Variants in SOBP observed in about 807,000 individuals in gnomAD.
SOBP encodes sine oculis-binding protein homolog.
A neutral mutation model predicts 53.6 loss-of-function variants in SOBP; 4 were observed. The ratio of observed to expected loss-of-function variants is 0.07; its 90% confidence interval spans 0.04 to 0.17. SOBP has a LOEUF of 0.17. Among genes scored for constraint, SOBP ranks in the 10% least tolerant of loss-of-function variants. The pLI, the probability that SOBP is intolerant of heterozygous loss-of-function variation, is 1.00. For missense variants in SOBP, 1,088 were observed against 1,204.7 expected (o/e 0.90, Z 1.43); for synonymous variants, 584 against 522.6 (o/e 1.12, Z -1.60).
chr6:107,583,690 T>TA (rs1470620285), intron 4 of SOBP, among the ~76,000 whole-genome samples: 1 of 152,066 alleles, frequency 6.6e-6, no homozygotes, highest in African/African-American at 2.4e-5. Flanking sequence ...CACACCTGGC[T>TA]AGTTTTTGTT....
At chr6:107,515,700 G>GATTA (rs775253560) in intron 3 of SOBP, among the ~76,000 whole-genome samples, 1 of 152,158 alleles carries the variant, frequency 6.6e-6, no homozygotes. Context: ...AGTGAGCCAA[G>GATTA]ATTACACCAG....
chr6:107,577,774 G>C (rs1785276365), intron 4 of SOBP, among the ~76,000 whole-genome samples: 1 of 152,132 alleles, frequency 6.6e-6, no homozygotes, highest in Non-Finnish European at 1.5e-5. Flanking sequence ...GTAAGAATTA[G>C]ATTAAAGAAG....
In SOBP at chr6:107,635,133, G is replaced by C. The variant is rs1653519439; in HGVS notation, c.2289G>C (p.Pro763=). The change falls in exon 6 of 7, where the codon CCG becomes CCC. Residue 763 remains proline (P), a synonymous_variant. Coordinates refer to ENST00000317357, the MANE Select transcript of SOBP (RefSeq NM_018013.4). This position sits in a 1 kb window ranked among gnomAD's most constrained non-coding sequence, Gnocchi z 4.5. ...PPKKLLSPEE[P]AVSELESVKE... ...AGAAGCTGCTGTCGCCTGAGGAACC[G>C]GCGGTGAGCGAGCTAGAGTCGGTCA... The C allele has an allele frequency of 1.9e-6, 3 of 1,613,008 alleles. No homozygotes were observed. Among genetic ancestry groups the C allele is most frequent in the Non-Finnish European group, 2.5e-6 (3 of 1,179,708 alleles).
intron 3 of SOBP, among the ~76,000 whole-genome samples, chr6:107,528,245 T>A (rs1783721165): frequency 6.6e-6 from 1 of 152,182 alleles, no homozygotes; most frequent in African/African-American, 2.4e-5. Flanking sequence ...GACCTTCTAG[T>A]GGTAGAATTT....
intron 3 of SOBP, among the ~76,000 whole-genome samples, chr6:107,525,387 T>C (rs554695199): frequency 7.2e-5 from 11 of 152,244 alleles, no homozygotes; most frequent in Non-Finnish European, 1.5e-4. Flanking sequence ...CTCAGCATGG[T>C]ATTCAAGACA....
intron 3 of SOBP, among the ~76,000 whole-genome samples, chr6:107,507,107 G>A (rs1034217327): frequency 5.3e-5 from 8 of 151,694 alleles, no homozygotes; most frequent in African/African-American, 9.7e-5. Flanking sequence ...ACTGGGTGGT[G>A]CATAAGGAGG....
chr6:107,625,066 C>T (rs983544149), intron 5 of SOBP, among the ~76,000 whole-genome samples: 1 of 152,166 alleles, frequency 6.6e-6, no homozygotes, highest in African/African-American at 2.4e-5. Context: ...ATCTAACCCC[C>T]AGTTACCTAT....
rs146984749 is a variant in SOBP at position 107,521,959 on chromosome 6, CAAACTCAA to C, written c.422-11499_422-11492del. Among the ~76,000 whole-genome samples the C allele has an allele frequency of 2.9e-3, 374 of 126,862 alleles. 2 individuals are homozygous for C. Among genetic ancestry groups the C allele is most frequent in the South Asian group, 0.012 (47 of 3,942 alleles). 83.2% of individuals were successfully genotyped at this position (126,862 alleles called of 152,430 possible). On this transcript the variant is annotated intron_variant, in intron 3 of 6. Transcript: ENST00000317357. ...ACACACACACACACACACACACACACAAACTCAATCAAGTCTGAGAATTACCAAGTCCA... is the reference window on the plus strand; with the variant it reads ...ACACACACACACACACACACACACACTCAAGTCTGAGAATTACCAAGTCCA...
At chr6:107,557,158 A>G (rs886583103) in intron 4 of SOBP, among the ~76,000 whole-genome samples, 1 of 152,232 alleles carries the variant, frequency 6.6e-6, no homozygotes, top group African/African-American at 2.4e-5. Flanking sequence ...TAAAATAAAC[A>G]TAATATGACT....
At chr6:107,503,559 CAAAT>C in intron 1 of SOBP, 94 bp from the exon 2 acceptor site, 2 of 1,351,038 alleles carry the variant, frequency 1.5e-6, no homozygotes, top group Non-Finnish European at 2.1e-6. Context: ...GGCAGGGCTG[CAAAT>C]AAATGAGGTA....
intron 3 of SOBP, among the ~76,000 whole-genome samples, chr6:107,525,950 CT>C (rs562912533): frequency 4.0e-5 from 6 of 149,698 alleles, no homozygotes; most frequent in East Asian, 2.0e-4. Flanking sequence ...CTGTCATGTT[CT>C]TTTTTTTTTC....
At chr6:107,622,149 G>A (rs12193163) in intron 5 of SOBP, among the ~76,000 whole-genome samples, 78,677 of 151,978 alleles carry the variant, frequency 0.52, 24,664 homozygotes, top group Middle Eastern at 0.77. Flanking sequence ...TTATTTTTTA[G>A]AATGCTTCCA....
chr6:107,572,183 A>G (rs1785091667), intron 4 of SOBP, among the ~76,000 whole-genome samples: 1 of 152,214 alleles, frequency 6.6e-6, no homozygotes, highest in African/African-American at 2.4e-5. Context: ...CCAAACCCTG[A>G]AGATAGCAAT....
chr6:107,567,061 A>G (rs1784939555), intron 4 of SOBP, among the ~76,000 whole-genome samples: 1 of 152,246 alleles, frequency 6.6e-6, no homozygotes, highest in Non-Finnish European at 1.5e-5. Flanking sequence ...TTGAGCACAT[A>G]TATCAAGCAC....
intron 6 of SOBP, among the ~76,000 whole-genome samples, chr6:107,646,019 C>T (rs1014659152): frequency 2.6e-5 from 4 of 152,164 alleles, no homozygotes; most frequent in African/African-American, 7.2e-5. Flanking sequence ...CATTGGGCAA[C>T]GTCACTGTGG....
intron 1 of SOBP, among the ~76,000 whole-genome samples, chr6:107,491,112 C>T (rs988697955): frequency 1.3e-5 from 2 of 152,156 alleles, no homozygotes; most frequent in South Asian, 2.1e-4. Flanking sequence ...GCCGGGGCAC[C>T]CCGGAGAGAG....
chr6:107,595,315 T>C (rs1043577743), intron 5 of SOBP, among the ~76,000 whole-genome samples: 1 of 151,568 alleles, frequency 6.6e-6, no homozygotes, highest in African/African-American at 2.4e-5. Context: ...CATTCGAGTG[T>C]CTTTTTAAAA....
intron 5 of SOBP, among the ~76,000 whole-genome samples, chr6:107,598,123 G>A (rs767923197): frequency 3.3e-5 from 5 of 152,062 alleles, no homozygotes; most frequent in Non-Finnish European, 5.9e-5. Context: ...AATGTAAAAT[G>A]TGCATCCTTC....
Position 107,630,053 on chromosome 6 carries a change from G to A in SOBP, c.670-3461G>A, listed in dbSNP as rs192110388. 3.9e-3 allele frequency among the ~76,000 whole-genome samples: 591 copies of A among 152,292 alleles called. 3 individuals carry two copies. The highest frequency in any genetic ancestry group is 5.9e-3 in the Admixed American group (90 of 15,292). Reference sequence around the variant, plus strand: ...AGATTGGCATCGTTAAACAGCTTCAGCCTCTGTCCAATCTAGGACCTGTTA... The same window carrying A: ...AGATTGGCATCGTTAAACAGCTTCAACCTCTGTCCAATCTAGGACCTGTTA... On this transcript the variant is annotated intron_variant, in intron 5 of 6. Coordinates refer to ENST00000317357, the MANE Select transcript of SOBP (RefSeq NM_018013.4).
Sources: gnomAD v4.1 joint callset for allele counts (sites outside exome capture counted in the v4.1 genomes callset) on GRCh38, gnomAD v4.1.1 for gene constraint, Gnocchi (gnomAD v3.1) non-coding constraint, MANE v1.5 for transcripts, NCBI Gene and HGNC (gene_info 2026-07-23, HGNC 2026-07-21) for gene names.